The following SEMA5A variants were observed in gnomAD, a reference collection of about 807,000 sequenced individuals.
SEMA5A encodes semaphorin 5A, also known as semaphorin-5A.
In SEMA5A, 55 loss-of-function variants were observed where a neutral mutation model predicts 135.5. The observed-to-expected ratio is 0.41, with a 90% CI of 0.33 to 0.51. SEMA5A has a LOEUF of 0.51. SEMA5A is among the 20% of genes least tolerant of loss of function. The probability of loss-of-function intolerance (pLI) is 0.37; values close to 1 mark genes in which losing one functional copy is unlikely to be tolerated. For missense variants in SEMA5A, 1,290 were observed against 1,419.9 expected (o/e 0.91, Z 1.47); for synonymous variants, 580 against 546.5 (o/e 1.06, Z -0.85).
chr5:9,046,327 G>A (rs1736251364), intron 21 of SEMA5A, among the ~76,000 whole-genome samples: 4 of 152,210 alleles, frequency 2.6e-5, no homozygotes, highest in Non-Finnish European at 2.9e-5. Flanking sequence ...GCAGAGCAAG[G>A]CCTTTCAGGC....
In SEMA5A at chr5:9,051,922, C is replaced by G; in HGVS notation, c.2796G>C (p.Gly932=). Residue 932 remains glycine (G), a synonymous_variant, in exon 20 of 23, where the codon GGG becomes GGC. Coordinates refer to ENST00000382496, the MANE Select transcript of SEMA5A (RefSeq NM_003966.3). ...LLFPMGSQCS[G]NTTESRPCVF... ...CACACGGCCGGCTCTCCGTGGTGTT[C>G]CCGGAGCACTGGCTGCCCATGGGGA... is the stretch of plus-strand genomic sequence containing the variant. 6.2e-7 allele frequency: 1 copy of G among 1,614,138 alleles called. No individual in the cohort carries two copies. Among genetic ancestry groups the G allele is most frequent in the Non-Finnish European group, 8.5e-7 (1 of 1,180,028 alleles).
intron 11 of SEMA5A, among the ~76,000 whole-genome samples, chr5:9,179,381 TG>T (rs376502119): frequency 5.3e-5 from 8 of 152,246 alleles, no homozygotes; most frequent in African/African-American, 1.9e-4. Context: ...CTGTCTCAGG[TG>T]GGTCCAAAGC....
chr5:9,378,722 C>T (rs701490), intron 3 of SEMA5A, among the ~76,000 whole-genome samples: 90,830 of 152,006 alleles, frequency 0.6, 27,280 homozygotes, highest in Admixed American at 0.66. Flanking sequence ...AATGGCAGTG[C>T]ATGGAATTTA....
At chr5:9,190,770 A>G (rs1462804746) in intron 10 of SEMA5A, among the ~76,000 whole-genome samples, 1 of 151,996 alleles carries the variant, frequency 6.6e-6, no homozygotes, top group African/African-American at 2.4e-5. Context: ...ATGCATAGAA[A>G]CTCCTCCTTT....
chr5:9,075,669 T>A (rs113731901), intron 16 of SEMA5A, among the ~76,000 whole-genome samples: 1,741 of 152,088 alleles, frequency 0.011, 40 homozygotes, highest in African/African-American at 0.04. Context: ...GAGGGAGTAC[T>A]GGGACGGGTA....
intron 4 of SEMA5A, among the ~76,000 whole-genome samples, chr5:9,335,129 G>A (rs1410471072): frequency 1.3e-5 from 2 of 152,264 alleles, no homozygotes; most frequent in African/African-American, 4.8e-5. Context: ...AGACGACAGG[G>A]ATGCTGGGGT....
intron 5 of SEMA5A, among the ~76,000 whole-genome samples, chr5:9,279,039 T>C (rs925261791): frequency 3.3e-5 from 5 of 152,174 alleles, no homozygotes; most frequent in Admixed American, 2.6e-4. Context: ...GACCGTAGAA[T>C]TATAGATCCA....
At chr5:9,161,185 G>T (rs1379036422) in intron 11 of SEMA5A, among the ~76,000 whole-genome samples, 1 of 152,032 alleles carries the variant, frequency 6.6e-6, no homozygotes, top group African/African-American at 2.4e-5. Flanking sequence ...AGCAGAATGT[G>T]GCAGTAAGTA....
chr5:9,181,212 C>A (rs559349981), intron 11 of SEMA5A, among the ~76,000 whole-genome samples: 24 of 152,242 alleles, frequency 1.6e-4, no homozygotes, highest in South Asian at 1.2e-3. Flanking sequence ...ACCCCTCTTT[C>A]TTACTCCCTC....
chr5:9,040,071 AATGTCATTTT>A lies in SEMA5A; in HGVS notation c.*2816_*2825del, dbSNP rs1312367854. 6.6e-6 allele frequency: 1 copy of A among 152,230 alleles called. No individual in the cohort carries two copies. The highest frequency in any genetic ancestry group is 1.5e-5 in the Non-Finnish European group (1 of 68,042). 9.4% of individuals were successfully genotyped at this position (152,230 alleles called of 1,614,324 possible). A position where few individuals can be genotyped will look rare whatever the true frequency, so the allele number is the denominator to read the frequency against. The stretch of plus-strand genomic sequence containing the variant: ...TAATTTTAGAAGTTAAATAGTGATT[AATGTCATTTT>A]ACATCAGGTGCAGAAAGGTGTAGCT... On this transcript the variant is annotated 3_prime_UTR_variant, in exon 23 of 23. Coordinates refer to ENST00000382496, the MANE Select transcript of SEMA5A (RefSeq NM_003966.3).
At chr5:9,096,843 G>A (rs1395247568) in intron 16 of SEMA5A, among the ~76,000 whole-genome samples, 1 of 152,128 alleles carries the variant, frequency 6.6e-6, no homozygotes, top group African/African-American at 2.4e-5. Flanking sequence ...ATGAAAAGCT[G>A]CTCAACATCA....
In SEMA5A at chr5:9,050,399, G is replaced by C. The variant is rs1736501527; in HGVS notation, c.2893+11C>G. 1.2e-6 allele frequency: 2 copies of C among 1,608,388 alleles called. No individual in the cohort carries two copies. Among genetic ancestry groups the C allele is most frequent in the Admixed American group, 1.7e-5 (1 of 59,276 alleles). On this transcript the variant is annotated intron_variant, in intron 21 of 22. Coordinates refer to ENST00000382496, the MANE Select transcript of SEMA5A (RefSeq NM_003966.3). ...TACATCCATTACAACTACTTAAAAG[G>C]AATAACGTACCTCCACACCTTTTCT...
chr5:9,054,157 CG>C lies in SEMA5A; in HGVS notation c.2618del (p.Pro873ArgfsTer86), dbSNP rs1561106423. 6.2e-7 allele frequency: 1 copy of C among 1,613,884 alleles called. No individual in the cohort carries two copies. Among genetic ancestry groups the C allele is most frequent in the African/African-American group, 1.3e-5 (1 of 74,986 alleles). ...MRTRSCSNPA[P>X]AYGGDICLGL... is the part of the protein sequence containing the mutation. ...CCAGGCAGATGTCCCCTCCATAGGC[CG>C]GGGCTGGATTGGAGCAAGAGCGGGT... On this transcript the variant is annotated frameshift_variant, in exon 19 of 23. Transcript: ENST00000382496. LOFTEE classifies it high-confidence loss of function.
At chr5:9,346,251 C>T (rs1049245870) in intron 3 of SEMA5A, among the ~76,000 whole-genome samples, 5 of 151,942 alleles carry the variant, frequency 3.3e-5, no homozygotes, top group East Asian at 1.9e-4. Context: ...CAGAGATGTC[C>T]GGACTCCAGG....
chr5:9,365,213 G>A (rs913386380), intron 3 of SEMA5A, among the ~76,000 whole-genome samples: 1 of 152,204 alleles, frequency 6.6e-6, no homozygotes, highest in Admixed American at 6.5e-5. Flanking sequence ...ACCTGATTTT[G>A]TTAAACAACC....
chr5:9,254,180 G>A (rs569199774), intron 5 of SEMA5A, among the ~76,000 whole-genome samples: 1 of 152,278 alleles, frequency 6.6e-6, no homozygotes, highest in South Asian at 2.1e-4. Flanking sequence ...CACCTATTAT[G>A]TAACAGAATT....
intron 12 of SEMA5A, among the ~76,000 whole-genome samples, chr5:9,143,722 CTTGG>C (rs1742183727): frequency 6.6e-6 from 1 of 152,164 alleles, no homozygotes; most frequent in African/African-American, 2.4e-5. Flanking sequence ...TTGTGATTAA[CTTGG>C]TTTGCCAGCT....
At chr5:9,212,583 G>A (rs1019039441) in intron 8 of SEMA5A, among the ~76,000 whole-genome samples, 1 of 152,198 alleles carries the variant, frequency 6.6e-6, no homozygotes, top group African/African-American at 2.4e-5. Context: ...AAGGGAAGAT[G>A]TTATAAATTT....
intron 2 of SEMA5A, among the ~76,000 whole-genome samples, chr5:9,396,800 G>A (rs1180612780): frequency 6.6e-6 from 1 of 152,140 alleles, no homozygotes; most frequent in Admixed American, 6.5e-5. Flanking sequence ...GTGGCCCTGT[G>A]TAGCATTATG....
Sources: allele counts gnomAD v4.1 joint callset (sites outside exome capture counted in the v4.1 genomes callset), GRCh38; gene constraint gnomAD v4.1.1; transcripts MANE v1.5; gene names NCBI Gene and HGNC (gene_info 2026-07-23, HGNC 2026-07-21).